Variants in INPP1 observed in about 807,000 individuals in gnomAD.
INPP1 encodes inositol polyphosphate-1-phosphatase.
Under a neutral mutation model 23.0 loss-of-function variants are expected in INPP1, and 18 were observed. That is an observed-to-expected ratio of 0.78 (90% CI 0.54 to 1.16). INPP1 has a LOEUF of 1.16. Ranked by LOEUF, INPP1 falls within the 50% of genes most tolerant of loss-of-function variation. INPP1 has a pLI of 0.00. For synonymous variants in INPP1, 164 were observed against 176.3 expected (o/e 0.93, Z 0.55); for missense variants, 448 against 482.1 (o/e 0.93, Z 0.66).
intron 2 of INPP1, among the ~76,000 whole-genome samples, chr2:190,358,320 A>G (rs1041479755): frequency 7.9e-5 from 12 of 151,932 alleles, no homozygotes; most frequent in Non-Finnish European, 1.5e-4. Context: ...CAGGTGATCC[A>G]TGCGCCTTGG....
intron 1 of INPP1, among the ~76,000 whole-genome samples, chr2:190,347,239 C>T (rs1689236317): frequency 6.6e-6 from 1 of 151,944 alleles, no homozygotes; most frequent in Non-Finnish European, 1.5e-5. Flanking sequence ...TCTCGATCTC[C>T]TGACCTCGTG....
At chr2:190,349,295 G>A (rs1689282656) in intron 2 of INPP1, among the ~76,000 whole-genome samples, 1 of 152,112 alleles carries the variant, frequency 6.6e-6, no homozygotes, top group South Asian at 2.1e-4. Context: ...AAATTAGCCA[G>A]GTGTGGTGGC....
rs1318033544 is a variant in INPP1, at chr2:190,356,592, G to A, written c.-64-3447G>A. ...TTTCTGCGTGAAAGAAGGGAGTGGT[G>A]GTGATTTCCGGAGCTTGTAGCCAGG... On this transcript the variant is annotated intron_variant, in intron 2 of 6. Transcript: ENST00000392329. This position sits in a 1 kb window ranked among gnomAD's most constrained non-coding sequence, Gnocchi z 6.4. 6.6e-6 allele frequency: 1 copy of A among 152,156 alleles called. No individual in the cohort carries two copies. The highest frequency in any genetic ancestry group is 1.9e-4 in the East Asian group (1 of 5,198). 9.4% of individuals were successfully genotyped at this position (152,156 alleles called of 1,614,324 possible). A position where few individuals can be genotyped will look rare whatever the true frequency, so the allele number is the denominator to read the frequency against.
chr2:190,355,243 G>T lies in INPP1; in HGVS notation c.-64-4796G>T, dbSNP rs1290805829. On this transcript the variant is annotated intron_variant, in intron 2 of 6. Coordinates refer to ENST00000392329, the MANE Select transcript of INPP1 (RefSeq NM_001128928.2). This position sits in a 1 kb window ranked among gnomAD's most constrained non-coding sequence, Gnocchi z 5.1. Reference sequence around the variant, plus strand: ...CTAAGGTTATATAAGAATTAAATGAGTTAATACATGTAAGGTGCCTAGAAG... The same window carrying T: ...CTAAGGTTATATAAGAATTAAATGATTTAATACATGTAAGGTGCCTAGAAG... Among the ~76,000 whole-genome samples, 1 of 152,156 alleles carries T rather than the reference G, an allele frequency of 6.6e-6. No homozygotes were observed. The highest frequency in any genetic ancestry group is 6.5e-5 in the Admixed American group (1 of 15,282).
intron 2 of INPP1, among the ~76,000 whole-genome samples, chr2:190,358,500 G>A (rs577894423): frequency 1.3e-5 from 2 of 152,228 alleles, no homozygotes; most frequent in Non-Finnish European, 2.9e-5. Context: ...TTACAGGCGT[G>A]AGCCACCATA....
rs1689693142 is a variant in INPP1, at chr2:190,367,005, A to G, written c.466+110A>G. The stretch of plus-strand genomic sequence containing the variant: ...TTATTGAGTGTAGTTTAACTCTGCT[A>G]GAAGTTTTTAAAATTTTAAAGTTTT... On this transcript the variant is annotated intron_variant, in intron 5 of 6. Coordinates refer to ENST00000392329, the MANE Select transcript of INPP1 (RefSeq NM_001128928.2). This position sits in a 1 kb window ranked among gnomAD's most constrained non-coding sequence, Gnocchi z 4.1. 4.4e-6 allele frequency: 3 copies of G among 685,266 alleles called. No individual in the cohort carries two copies. The highest frequency in any genetic ancestry group is 7.4e-6 in the Non-Finnish European group (3 of 405,440). The allele number at this position is 685,266 out of a possible 1,614,324, so 42.4% of individuals were successfully genotyped here.
intron 2 of INPP1, among the ~76,000 whole-genome samples, chr2:190,350,915 T>A (rs533590051): frequency 6.6e-6 from 1 of 152,248 alleles, no homozygotes; most frequent in African/African-American, 2.4e-5. Context: ...GTTCAGTTGC[T>A]AGTTATTCAG....
chr2:190,347,709 C>T lies in INPP1; in HGVS notation c.-208-1179C>T, dbSNP rs10203186. ...TAAAGTGACAGTGGTAGGCTTTGCT[C>T]AATGCAAATGAGAGTAATAATTCAT... On this transcript the variant is annotated intron_variant, in intron 1 of 6. Coordinates refer to ENST00000392329, the MANE Select transcript of INPP1 (RefSeq NM_001128928.2). 5.8e-3 allele frequency among the ~76,000 whole-genome samples: 890 copies of T among 152,282 alleles called. 11 individuals are homozygous for T. Among genetic ancestry groups the T allele is most frequent in the African/African-American group, 0.021 (856 of 41,552 alleles).
rs1210280503 is a variant in INPP1 at position 190,360,059 on chromosome 2, T to G, written c.-44T>G. 6.3e-7 allele frequency: 1 copy of G among 1,592,040 alleles called. No homozygotes were observed. The highest frequency in any genetic ancestry group is 8.6e-7 in the Non-Finnish European group (1 of 1,162,218). On this transcript the variant is annotated 5_prime_UTR_variant, in exon 3 of 7. Transcript: ENST00000392329. Reference sequence around the variant, plus strand: ...TCCAGCTGACGGCCCAGAGGGTGGGTGCCAATTCCACCAGCAGCTGCAACT... The same window carrying G: ...TCCAGCTGACGGCCCAGAGGGTGGGGGCCAATTCCACCAGCAGCTGCAACT...
At chr2:190,362,373 A>G (rs1689551488) in intron 3 of INPP1, among the ~76,000 whole-genome samples, 1 of 152,222 alleles carries the variant, frequency 6.6e-6, no homozygotes, top group Non-Finnish European at 1.5e-5. Context: ...ACTAAACAGG[A>G]CATAAGGGAA....
intron 1 of INPP1, among the ~76,000 whole-genome samples, chr2:190,348,187 T>C (rs1689259833): frequency 6.6e-6 from 1 of 152,128 alleles, no homozygotes; most frequent in South Asian, 2.1e-4. Flanking sequence ...GGTTGCTGTA[T>C]GAAATCAACT....
At chr2:190,362,385 C>G (rs1456033276) in intron 3 of INPP1, among the ~76,000 whole-genome samples, 1 of 152,146 alleles carries the variant, frequency 6.6e-6, no homozygotes, top group Admixed American at 6.6e-5. Context: ...ATAAGGGAAC[C>G]AGGCATCTAC....
At chr2:190,362,867 G>A (rs1348567866) in intron 4 of INPP1, 180 bp downstream of exon 4, 1 of 422,340 alleles carries the variant, frequency 2.4e-6, no homozygotes, top group Non-Finnish European at 4.3e-6. Context: ...CTTAAGTAGA[G>A]AGATGTGGTA....
chr2:190,366,334 G>A (rs28682934), intron 4 of INPP1, among the ~76,000 whole-genome samples: 221 of 104,174 alleles, frequency 2.1e-3, no homozygotes, highest in African/African-American at 7.9e-3. Context: ...TCACTCTCTC[G>A]CTCTGTCTCT....
At position 190,352,270 on chromosome 2, in the gene INPP1, A is replaced by C. The variant is rs922709361; in HGVS notation, c.-65+3239A>C. On this transcript the variant is annotated intron_variant, in intron 2 of 6. Coordinates refer to ENST00000392329, the MANE Select transcript of INPP1 (RefSeq NM_001128928.2). The surrounding 1 kb of genome is among the most constrained non-coding windows in gnomAD (Gnocchi z 4.7). ...GCAAATGGATAGTGCAAAATCAGCT[A>C]CTAAAAGGCTAAACTTAATCAGAGC... 3.3e-5 allele frequency among the ~76,000 whole-genome samples: 5 copies of C among 152,212 alleles called. No homozygotes were observed. The highest frequency in any genetic ancestry group is 2.6e-4 in the Admixed American group (4 of 15,288).
At chr2:190,364,606 T>TTTTTTTTTTG (rs796196740) in intron 4 of INPP1, among the ~76,000 whole-genome samples, 26,429 of 92,768 alleles carry the variant, frequency 0.28, 4,495 homozygotes, top group East Asian at 0.39. Context: ...TTTTTTTTTT[T>TTTTTTTTTTG]GTTAGATGGA....
chr2:190,359,381 C>A (rs1055201920), intron 2 of INPP1, among the ~76,000 whole-genome samples: 5 of 151,714 alleles, frequency 3.3e-5, no homozygotes, highest in Non-Finnish European at 7.4e-5. Context: ...CACGGTGAAA[C>A]CCTGTCTCTA....
intron 2 of INPP1, among the ~76,000 whole-genome samples, chr2:190,350,476 C>G (rs1293092015): frequency 6.6e-6 from 1 of 152,178 alleles, no homozygotes; most frequent in East Asian, 1.9e-4. Context: ...ACTTCTTGAT[C>G]TTAGCTGATT....
At chr2:190,362,722 T>A (rs1264841769) in intron 4 of INPP1, 35 bp downstream of exon 4, 5 of 1,363,282 alleles carry the variant, frequency 3.7e-6, no homozygotes. Flanking sequence ...CTTTGTAATT[T>A]AATTATCATA....
Sources: allele counts gnomAD v4.1 joint callset (sites outside exome capture counted in the v4.1 genomes callset), GRCh38; gene constraint gnomAD v4.1.1; non-coding constraint Gnocchi (gnomAD v3.1); transcripts MANE v1.5; gene names NCBI Gene and HGNC (gene_info 2026-07-23, HGNC 2026-07-21).